NCOA3: variants seen among roughly 807,000 people sequenced by gnomAD.
NCOA3 encodes the protein nuclear receptor coactivator 3, also known as CBP-interacting protein.
In NCOA3, 51 loss-of-function variants were observed where a neutral mutation model predicts 158.8. The observed-to-expected ratio is 0.32, with a 90% confidence interval of 0.26 to 0.41. NCOA3 has a LOEUF of 0.41. NCOA3 is among the 10% of genes least tolerant of loss of function. The probability of loss-of-function intolerance (pLI) is 1.00; values close to 1 mark genes in which losing one functional copy is unlikely to be tolerated. For synonymous variants in NCOA3, 537 were observed against 592.4 expected (o/e 0.91, Z 1.36); for missense variants, 1,510 against 1,746.6 (o/e 0.86, Z 2.41).
chr20:47,550,558 A>C (rs2084913592), intron 1 of NCOA3, among the ~76,000 whole-genome samples: 1 of 152,044 alleles, frequency 6.6e-6, no homozygotes, highest in South Asian at 2.1e-4. Context: ...CAAACGACCT[A>C]TTAGTTGGTT....
chr20:47,557,675 C>G (rs1430879462), intron 1 of NCOA3, among the ~76,000 whole-genome samples: 1 of 152,068 alleles, frequency 6.6e-6, no homozygotes, highest in African/African-American at 2.4e-5. Flanking sequence ...AGCCATAGCC[C>G]AAACAATATA....
At chr20:47,626,847 C>A (rs1174390355) in intron 5 of NCOA3, among the ~76,000 whole-genome samples, 155 bp from the exon 6 acceptor site, 1 of 152,124 alleles carries the variant, frequency 6.6e-6, no homozygotes, top group Non-Finnish European at 1.5e-5. Context: ...GGATTAGGGT[C>A]CCCACCGTTA....
At chr20:47,528,240 T>G (rs2084488993) in intron 1 of NCOA3, among the ~76,000 whole-genome samples, 1 of 152,176 alleles carries the variant, frequency 6.6e-6, no homozygotes, top group African/African-American at 2.4e-5. Flanking sequence ...AAGAAAAACC[T>G]AGATTGTTAA....
chr20:47,618,422 T>C (rs1250360392), intron 2 of NCOA3, among the ~76,000 whole-genome samples: 1 of 145,590 alleles, frequency 6.9e-6, no homozygotes, highest in Non-Finnish European at 1.5e-5. Context: ...TGGCCCAATC[T>C]TGGCTTACTG....
chr20:47,569,493 A>T (rs1293778593), intron 1 of NCOA3, among the ~76,000 whole-genome samples: 2 of 151,710 alleles, frequency 1.3e-5, no homozygotes, highest in Non-Finnish European at 2.9e-5. Context: ...CAGCCTGGCT[A>T]ACATGGTGAA....
At position 47,642,380 on chromosome 20, in the gene NCOA3, A is replaced by T; in HGVS notation, c.3248A>T (p.Asn1083Ile). The T allele has an allele frequency of 2.5e-6, 4 of 1,596,268 alleles. No individual in the cohort carries two copies. Among genetic ancestry groups the T allele is most frequent in the African/African-American group, 2.7e-5 (2 of 74,040 alleles). The change falls in exon 17 of 23, where the codon AAT becomes ATT. Residue 1083 changes from asparagine (N) to isoleucine (I), a missense_variant. By Grantham distance (149) the Asn-to-Ile change is moderately radical. Transcript: ENST00000371998. ...GCTTTGGGCATTCCTGAACTTGTCA[A>T]TCAGGTAGGTTGCATTAACATGGAA... ...DRALGIPELV[N>I]QGQALEPKQD...
At chr20:47,633,935 T>G in intron 9 of NCOA3, 113 bp from the exon 10 acceptor site, 1 of 1,346,744 alleles carries the variant, frequency 7.4e-7, no homozygotes, top group Non-Finnish European at 1.0e-6. Flanking sequence ...GCAGATCCAG[T>G]CTTTCCTTGG....
chr20:47,513,616 C>T (rs2084182665), intron 1 of NCOA3, among the ~76,000 whole-genome samples: 1 of 150,986 alleles, frequency 6.6e-6, no homozygotes, highest in Non-Finnish European at 1.5e-5. Context: ...ATCCCAGCTA[C>T]TCAGGAGGCT....
intron 1 of NCOA3, among the ~76,000 whole-genome samples, chr20:47,522,062 T>G (rs1195207357): frequency 6.6e-6 from 1 of 151,118 alleles, no homozygotes; most frequent in African/African-American, 2.4e-5. Context: ...TTATTTAGTT[T>G]CCGTTAGCAG....
At chr20:47,502,473 C>T (rs1051325081) in intron 1 of NCOA3, among the ~76,000 whole-genome samples, 1 of 152,200 alleles carries the variant, frequency 6.6e-6, no homozygotes, top group Non-Finnish European at 1.5e-5. Context: ...GGGGACCCCC[C>T]CCACCCCAGC....
At position 47,653,462 on chromosome 20, in the gene NCOA3, C is replaced by T. The variant is rs1475776467; in HGVS notation, c.*45C>T. On this transcript the variant is annotated 3_prime_UTR_variant, in exon 23 of 23. Transcript: ENST00000371998. ...CTTAAGGAAACCACTGTACAAATGA[C>T]ACTGCACTAGGATTATTGGGAAGGA... 1.3e-6 allele frequency: 2 copies of T among 1,569,890 alleles called. No homozygotes were observed. The highest frequency in any genetic ancestry group is 4.7e-5 in the East Asian group (2 of 42,920).
chr20:47,515,168 A>C (rs1029256011), intron 1 of NCOA3, among the ~76,000 whole-genome samples: 3 of 151,652 alleles, frequency 2.0e-5, no homozygotes, highest in Non-Finnish European at 4.4e-5. Flanking sequence ...TATTTAAAAA[A>C]AATTTTTTTT....
intron 2 of NCOA3, 127 bp downstream of exon 2, chr20:47,583,388 G>T: frequency 2.6e-6 from 1 of 388,202 alleles, no homozygotes; most frequent in Non-Finnish European, 4.5e-6. Context: ...TCTCTTTAAT[G>T]ATTATTAAAT....
At position 47,634,042 on chromosome 20, in the gene NCOA3, C is replaced by A. The variant is rs1239141710; in HGVS notation, c.965-6C>A. 6.2e-7 allele frequency: 1 copy of A among 1,613,862 alleles called. No individual in the cohort carries two copies. The highest frequency in any genetic ancestry group is 8.5e-7 in the Non-Finnish European group (1 of 1,179,916). On this transcript the variant is annotated splice_region_variant and splice_polypyrimidine_tract_variant and intron_variant, in intron 9 of 22. Coordinates refer to ENST00000371998, the MANE Select transcript of NCOA3 (RefSeq NM_181659.3). Reference sequence around the variant, plus strand: ...GTTACCAGTGATGGGATATTTTCCCCAACAGCTTATCTTAATGGCCATGCA... The same window carrying A: ...GTTACCAGTGATGGGATATTTTCCCAAACAGCTTATCTTAATGGCCATGCA...
intron 8 of NCOA3, among the ~76,000 whole-genome samples, chr20:47,632,858 T>C (rs1363094971): frequency 6.6e-6 from 1 of 151,514 alleles, no homozygotes; most frequent in Non-Finnish European, 1.5e-5. Flanking sequence ...AATTTTTGTA[T>C]TTTTACTAGA....
chr20:47,511,287 G>C (rs1282286068), intron 1 of NCOA3, among the ~76,000 whole-genome samples: 4 of 140,494 alleles, frequency 2.8e-5, no homozygotes, highest in Non-Finnish European at 6.2e-5. Context: ...TCACTGTGTT[G>C]CCCAGGCCAG....
chr20:47,623,477 G>A (rs1200534018), intron 3 of NCOA3, among the ~76,000 whole-genome samples: 1 of 152,116 alleles, frequency 6.6e-6, no homozygotes, highest in African/African-American at 2.4e-5. Context: ...TATTGGCTGA[G>A]TTTAGTTTGT....
intron 2 of NCOA3, among the ~76,000 whole-genome samples, chr20:47,595,404 A>G (rs949409571): frequency 1.3e-5 from 2 of 152,138 alleles, no homozygotes; most frequent in African/African-American, 4.8e-5. Context: ...CTGGCCTTAA[A>G]ATAATTTTTT....
At chr20:47,652,366 C>A in intron 20 of NCOA3, 40 bp from the exon 21 acceptor site, 9 of 1,539,878 alleles carry the variant, frequency 5.8e-6, no homozygotes, top group East Asian at 2.3e-5. Flanking sequence ...AAGGAGAAGG[C>A]ATTTGGGCAT....
Sources: gnomAD v4.1 joint callset for allele counts (sites outside exome capture counted in the v4.1 genomes callset) on GRCh38, gnomAD v4.1.1 for gene constraint, MANE v1.5 for transcripts, NCBI Gene and HGNC (gene_info 2026-07-23, HGNC 2026-07-21) for gene names.